Variants in CCDC142 observed in about 807,000 individuals in gnomAD.
The protein encoded by CCDC142 is coiled-coil domain-containing protein 142.
CCDC142 carries 67 observed loss-of-function variants against 83.8 expected under a neutral mutation model. That is an observed-to-expected ratio of 0.80 (90% confidence interval 0.66 to 0.98). CCDC142 has a LOEUF of 0.98. Among genes scored for constraint, CCDC142 ranks in the 50% least tolerant of loss-of-function variants. CCDC142 has a pLI of 0.00. For synonymous variants in CCDC142, 421 were observed against 421.2 expected, an observed-to-expected ratio of 1.00 and a Z score of 0.01; for missense variants, 905 against 946.8, an observed-to-expected ratio of 0.96 and a Z score of 0.58.
Position 74,473,524 on chromosome 2 carries a change from G to A in CCDC142, c.*1022C>T, listed in dbSNP as rs979471857. ...TTTAGTAGAGGCGGGGTTTCACCGC[G>A]TTAGCCAGGATGGTCTTGATCGGAC... On this transcript the variant is annotated 3_prime_UTR_variant, in exon 9 of 9. Transcript: ENST00000393965. 6.6e-6 allele frequency among the ~76,000 whole-genome samples: 1 copy of A among 152,092 alleles called. No individual in the cohort carries two copies. The highest frequency in any genetic ancestry group is 2.4e-5 in the African/African-American group (1 of 41,424).
intron 5 of CCDC142, 32 bp downstream of exon 5, chr2:74,480,737 T>C (rs1269782447): frequency 3.3e-6 from 5 of 1,510,180 alleles, no homozygotes; most frequent in East Asian, 2.3e-5. Flanking sequence ...CATAGGGTCT[T>C]ACACTGCCAC....
chr2:74,475,815 T>TA, intron 5 of CCDC142, 89 bp from the exon 6 acceptor site: 2 of 790,014 alleles, frequency 2.5e-6, no homozygotes, highest in Non-Finnish European at 4.2e-6. Flanking sequence ...TTGACATCCA[T>TA]AAAACCCCAG....
At chr2:74,477,502 A>G (rs1672349749) in intron 5 of CCDC142, among the ~76,000 whole-genome samples, 1 of 151,702 alleles carries the variant, frequency 6.6e-6, no homozygotes, top group Non-Finnish European at 1.5e-5. Flanking sequence ...TTACTACCCT[A>G]CCCCACACCC....
rs549453536 is a variant in CCDC142, at chr2:74,475,651, T to G, written c.1579A>C (p.Met527Leu). Residue 527 changes from methionine to leucine, a missense_variant, in exon 6 of 9, where the codon ATG becomes CTG. Physicochemically the swap from Met to Leu is conservative, Grantham distance 15 (BLOSUM62 2). This residue lies in a region of CCDC142 where 265 missense variants were observed against 288.9 expected (regional missense o/e 0.92). Transcript: ENST00000393965. ...KQAMQGFKLY[M>L]PRGRYWRLRL... Reference sequence around the variant, plus strand: ...AGCCGCCAGTACCGACCCCGTGGCATGTAGAGCTTGAAACCTTGCATGGCT... The same window carrying G: ...AGCCGCCAGTACCGACCCCGTGGCAGGTAGAGCTTGAAACCTTGCATGGCT... 9.3e-6 allele frequency: 15 copies of G among 1,614,098 alleles called. No individual in the cohort carries two copies. The Admixed American group carries it at 1.5e-4, about 16-fold the overall frequency.
rs1376108666 is a variant in CCDC142, at chr2:74,482,224, A to G, written c.614T>C (p.Leu205Pro). 1 of 1,613,354 alleles carries G rather than the reference A, an allele frequency of 6.2e-7. No individual in the cohort carries two copies. Among genetic ancestry groups the G allele is most frequent in the Non-Finnish European group, 8.5e-7 (1 of 1,179,918 alleles). ...SPGLSSQLAE[L>P]LFALPAYHTL... ...GTGGTAGGCGGGAAGTGCAAAGAGC[A>G]GCTCGGCGAGTTGGGACGACAGGCC... is the stretch of plus-strand genomic sequence containing the variant. The change falls in exon 1 of 9, where the codon CTG becomes CCG. Residue 205 changes from leucine to proline, a missense_variant. Leu to Pro is a moderately conservative substitution (Grantham distance 98). Around this residue, in one of 3 missense-constraint regions of CCDC142, gnomAD observed 591 missense variants for 571.4 expected, o/e 1.03. Transcript: ENST00000393965. This position sits in a 1 kb window ranked among gnomAD's most constrained non-coding sequence, Gnocchi z 5.0.
chr2:74,479,897 T>C (rs1423330166), intron 5 of CCDC142, among the ~76,000 whole-genome samples: 1 of 152,148 alleles, frequency 6.6e-6, no homozygotes, highest in Non-Finnish European at 1.5e-5. Flanking sequence ...AAATACAAAT[T>C]AAACTTTTAA....
chr2:74,482,475 G>A lies in CCDC142; in HGVS notation c.363C>T (p.Leu121=), dbSNP rs750727404. The change falls in exon 1 of 9, where the codon CTC becomes CTT. Residue 121 remains leucine, a synonymous_variant. Transcript: ENST00000393965. The surrounding 1 kb of genome is among the most constrained non-coding windows in gnomAD (Gnocchi z 5.0). ...CAYHLQSAVR[L]MKTLSPGSPS... Reference sequence around the variant, plus strand: ...GCGAGCCAGGACTCAGGGTCTTCATGAGTCGCACAGCCGACTGTAGGTGGT... The same window carrying A: ...GCGAGCCAGGACTCAGGGTCTTCATAAGTCGCACAGCCGACTGTAGGTGGT... The A allele has an allele frequency of 5.2e-6, 8 of 1,551,380 alleles. No individual in the cohort carries two copies. In the East Asian group the frequency reaches 9.7e-5, roughly 19 times the overall value.
chr2:74,480,664 T>A, intron 5 of CCDC142, 105 bp downstream of exon 5: 1 of 703,276 alleles, frequency 1.4e-6, no homozygotes, highest in Non-Finnish European at 2.4e-6. Flanking sequence ...TAGCAGAGAC[T>A]CCAAGGAGAT....
chr2:74,481,694 G>A, intron 1 of CCDC142, 123 bp downstream of exon 1: 1 of 1,387,044 alleles, frequency 7.2e-7, no homozygotes, highest in Non-Finnish European at 1.0e-6. Context: ...GCTATAGTCT[G>A]AACCCAGGGG....
rs1318374939 is a variant in CCDC142, at chr2:74,481,456, G to A, written c.1104C>T (p.Asp368=). The A allele has an allele frequency of 6.2e-7, 1 of 1,614,124 alleles. No individual in the cohort carries two copies. The highest frequency in any genetic ancestry group is 1.1e-5 in the South Asian group (1 of 91,076). The part of the protein sequence containing the change: ...LLHQSLIWSW[D]QGFCQALGSA... ...CCAGTGCCCCTTCCTTCTCACCTTG[G>A]TCCCAGCTCCAGATAAGCGACTGAT... Residue 368 remains aspartate (D), a synonymous_variant, in exon 2 of 9, where the codon GAC becomes GAT. Transcript: ENST00000393965.
chr2:74,481,055 G>T lies in CCDC142; in HGVS notation c.1290C>A (p.Thr430=). 6.2e-7 allele frequency: 1 copy of T among 1,613,956 alleles called. No individual in the cohort carries two copies. The highest frequency in any genetic ancestry group is 2.2e-5 in the East Asian group (1 of 44,886). Residue 430 remains threonine (T), a synonymous_variant, in exon 4 of 9, where the codon ACC becomes ACA. Transcript: ENST00000393965. ...DPAPVALGLC[T]LQTTLLWFLG... is the part of the protein sequence containing the mutation. ...GGAACCAGAGCAAGGTGGTCTGAAG[G>T]GTACAGAGACCTAGGGCGACAGGCG...
intron 5 of CCDC142, among the ~76,000 whole-genome samples, chr2:74,476,875 G>C (rs1404369997): frequency 6.6e-6 from 1 of 152,222 alleles, no homozygotes; most frequent in African/African-American, 2.4e-5. Flanking sequence ...ACATGGAGTG[G>C]AGCCCATATG....
In CCDC142 at chr2:74,482,250, C is replaced by A; in HGVS notation, c.588G>T (p.Pro196=). Residue 196 remains proline, a synonymous_variant, in exon 1 of 9, where the codon CCG becomes CCT. Coordinates refer to ENST00000393965, the MANE Select transcript of CCDC142 (RefSeq NM_001365575.2). The surrounding 1 kb of genome is among the most constrained non-coding windows in gnomAD (Gnocchi z 5.0). ...LRALGREPAS[P]GLSSQLAELL... is the part of the protein sequence containing the mutation. ...GCTCGGCGAGTTGGGACGACAGGCC[C>A]GGGCTGGCGGGCTCCCGGCCGAGAG... is the stretch of plus-strand genomic sequence containing the variant. The A allele has an allele frequency of 6.2e-7, 1 of 1,613,026 alleles. No individual in the cohort carries two copies. Among genetic ancestry groups the A allele is most frequent in the South Asian group, 1.1e-5 (1 of 90,812 alleles).
chr2:74,482,284 T>A lies in CCDC142; in HGVS notation c.554A>T (p.Gln185Leu). The A allele has an allele frequency of 1.2e-6, 2 of 1,612,360 alleles. No homozygotes were observed. Among genetic ancestry groups the A allele is most frequent in the Non-Finnish European group, 1.7e-6 (2 of 1,179,702 alleles). Residue 185 changes from glutamine (Q) to leucine (L), a missense_variant, in exon 1 of 9, where the codon CAG becomes CTG. Around this residue, in one of 3 missense-constraint regions of CCDC142, gnomAD observed 591 missense variants for 571.4 expected, o/e 1.03. Coordinates refer to ENST00000393965, the MANE Select transcript of CCDC142 (RefSeq NM_001365575.2). The surrounding 1 kb of genome is among the most constrained non-coding windows in gnomAD (Gnocchi z 5.0). ...AQCLEAVIEM[Q>L]LRALGREPAS... is the part of the protein sequence containing the mutation. ...GGGCTCCCGGCCGAGAGCGCGAAGC[T>A]GCATCTCGATGACAGCCTCCAGGCA...
intron 5 of CCDC142, among the ~76,000 whole-genome samples, chr2:74,478,861 A>G (rs1419753349): frequency 6.6e-6 from 1 of 151,646 alleles, no homozygotes; most frequent in Non-Finnish European, 1.5e-5. Flanking sequence ...ACCCATCTCT[A>G]CTAAAAATAC....
chr2:74,481,732 C>T, intron 1 of CCDC142, 85 bp downstream of exon 1: 2 of 1,507,000 alleles, frequency 1.3e-6, no homozygotes, highest in Non-Finnish European at 1.8e-6. Flanking sequence ...CTGCTTTTGC[C>T]TTCAGGATGG....
In CCDC142 at chr2:74,482,781, C is replaced by A; in HGVS notation, c.57G>T (p.Leu19=). The change falls in exon 1 of 9, where the codon CTG becomes CTT. Residue 19 remains leucine (L), a synonymous_variant. Coordinates refer to ENST00000393965, the MANE Select transcript of CCDC142 (RefSeq NM_001365575.2). The surrounding 1 kb of genome is among the most constrained non-coding windows in gnomAD (Gnocchi z 5.0). ...CCCCAGTGCCCCCGGGTTGCGCCCT[C>A]AGCGGGGGCACGATAACGAGTGGAG... is the stretch of plus-strand genomic sequence containing the variant. ...SLPPLVIVPP[L]RAQPGGTGEE... The A allele has an allele frequency of 1.2e-6, 2 of 1,600,452 alleles. No individual in the cohort carries two copies. Among genetic ancestry groups the A allele is most frequent in the Non-Finnish European group, 1.7e-6 (2 of 1,179,952 alleles).
rs1672590828 is a variant in CCDC142 at position 74,482,924 on chromosome 2, A to C, written c.-87T>G. The C allele has an allele frequency of 2.6e-6, 4 of 1,565,614 alleles. No homozygotes were observed. Among genetic ancestry groups the C allele is most frequent in the Middle Eastern group, 1.7e-4 (1 of 5,876 alleles). Reference sequence around the variant, plus strand: ...CGCAGCTCGGACTTCGCCCCATCGCAAGAGCCGTTTTCTCCAGTCCGGGAG... The same window carrying C: ...CGCAGCTCGGACTTCGCCCCATCGCCAGAGCCGTTTTCTCCAGTCCGGGAG... On this transcript the variant is annotated 5_prime_UTR_variant, in exon 1 of 9. Transcript: ENST00000393965. This position sits in a 1 kb window ranked among gnomAD's most constrained non-coding sequence, Gnocchi z 5.0.
chr2:74,481,737 G>A (rs1672477689), intron 1 of CCDC142, 80 bp downstream of exon 1: 26 of 1,509,408 alleles, frequency 1.7e-5, no homozygotes, highest in Non-Finnish European at 2.2e-5. Flanking sequence ...TTTGCCTTCA[G>A]GATGGCAGGT....
Sources: gnomAD v4.1 joint callset for allele counts (sites outside exome capture counted in the v4.1 genomes callset) on GRCh38, gnomAD v4.1.1 for gene constraint, gnomAD v4.1.1 regional missense constraint, Gnocchi (gnomAD v3.1) non-coding constraint, MANE v1.5 for transcripts, NCBI Gene and HGNC (gene_info 2026-07-23, HGNC 2026-07-21) for gene names.